QTMAN: variants seen among roughly 807,000 people sequenced by gnomAD.
QTMAN encodes the protein tRNA-queuosine alpha-mannosyltransferase.
chr2:144,059,396 G>A, the QTMAN span, among the ~76,000 whole-genome samples: 2 of 152,162 alleles, frequency 1.3e-5, no homozygotes, highest in African/African-American at 2.4e-5. Flanking sequence ...TTAAGGATAG[G>A]AAAAGGATAG....
chr2:144,210,755 G>C, the QTMAN span: 1 of 152,052 alleles, frequency 6.6e-6, no homozygotes, highest in South Asian at 2.1e-4. Context: ...ACAATAAAAG[G>C]CAATTTTGAA....
At chr2:144,197,321 A>G in the QTMAN span, among the ~76,000 whole-genome samples, 426 of 142,396 alleles carry the variant, frequency 3.0e-3, 2 homozygotes, top group African/African-American at 7.6e-3. Context: ...GTGTGTGTGT[A>G]TATATATATA....
At chr2:144,273,677 C>T in the QTMAN span, among the ~76,000 whole-genome samples, 2 of 152,048 alleles carry the variant, frequency 1.3e-5, no homozygotes, top group African/African-American at 4.8e-5. Context: ...AAACATATGA[C>T]AAGGACATAA....
chr2:143,991,415 C>T, the QTMAN span, among the ~76,000 whole-genome samples: 3 of 151,176 alleles, frequency 2.0e-5, no homozygotes, highest in African/African-American at 7.3e-5. Flanking sequence ...GGCCAGCTGC[C>T]CCGTCCGGGA....
the QTMAN span, among the ~76,000 whole-genome samples, chr2:144,155,562 T>G: frequency 1.3e-5 from 2 of 152,184 alleles, no homozygotes; most frequent in African/African-American, 4.8e-5. Context: ...CATGAGTCTC[T>G]GGAGTTCCCT....
the QTMAN span, among the ~76,000 whole-genome samples, chr2:144,102,756 T>C: frequency 6.6e-6 from 1 of 152,254 alleles, no homozygotes; most frequent in Non-Finnish European, 1.5e-5. Context: ...AGAGCTATAT[T>C]CATCTTGTAC....
the QTMAN span, among the ~76,000 whole-genome samples, chr2:143,961,039 A>G: frequency 6.6e-6 from 1 of 152,282 alleles, no homozygotes; most frequent in Non-Finnish European, 1.5e-5. Flanking sequence ...GAAAGAGGTG[A>G]CATGGCTAAT....
At chr2:143,991,626 G>C in the QTMAN span, among the ~76,000 whole-genome samples, 3 of 127,098 alleles carry the variant, frequency 2.4e-5, no homozygotes, top group South Asian at 7.9e-4. Context: ...CTGCCCGGCC[G>C]CCCCTACTGG....
chr2:144,185,024 C>T, the QTMAN span, among the ~76,000 whole-genome samples: 3 of 151,432 alleles, frequency 2.0e-5, no homozygotes, highest in African/African-American at 7.2e-5. Context: ...TTCCTGACCA[C>T]TTCTTAATTT....
chr2:144,258,113 A>G, the QTMAN span, among the ~76,000 whole-genome samples: 4 of 152,158 alleles, frequency 2.6e-5, no homozygotes, highest in South Asian at 2.1e-4. Context: ...CAGTCAGAAA[A>G]AGAAGGGACA....
At chr2:143,965,299 T>A in the QTMAN span, among the ~76,000 whole-genome samples, 1 of 152,162 alleles carries the variant, frequency 6.6e-6, no homozygotes, top group Admixed American at 6.5e-5. Flanking sequence ...TATTAAAAAC[T>A]CATTCCATGT....
At chr2:144,241,861 G>T in the QTMAN span, among the ~76,000 whole-genome samples, 1 of 151,890 alleles carries the variant, frequency 6.6e-6, no homozygotes, top group Non-Finnish European at 1.5e-5. Context: ...AAAAAAAAAT[G>T]AAAAGAAAGA....
At chr2:143,988,904 TA>T in the QTMAN span, among the ~76,000 whole-genome samples, 3 of 152,226 alleles carry the variant, frequency 2.0e-5, no homozygotes, top group African/African-American at 4.8e-5. Flanking sequence ...TATGCTAAAT[TA>T]AAAATATTAA....
At chr2:144,062,290 C>T in the QTMAN span, among the ~76,000 whole-genome samples, 2 of 152,230 alleles carry the variant, frequency 1.3e-5, no homozygotes, top group East Asian at 1.9e-4. Flanking sequence ...ACACAGTGGC[C>T]GAGTAAACAA....
At chr2:144,157,816 T>C in the QTMAN span, among the ~76,000 whole-genome samples, 1 of 151,904 alleles carries the variant, frequency 6.6e-6, no homozygotes, top group Non-Finnish European at 1.5e-5. Flanking sequence ...ATATATATGA[T>C]ATCTATATGG....
At chr2:143,962,354 G>C in the QTMAN span, among the ~76,000 whole-genome samples, 1 of 152,036 alleles carries the variant, frequency 6.6e-6, no homozygotes, top group Non-Finnish European at 1.5e-5. Flanking sequence ...AGACATAGAG[G>C]TGGGTAAGGG....
the QTMAN span, among the ~76,000 whole-genome samples, chr2:144,329,874 A>G: frequency 2.0e-5 from 3 of 152,332 alleles, no homozygotes; most frequent in East Asian, 3.9e-4. Flanking sequence ...TAAGCATTTA[A>G]AGAGTACCCA....
At chr2:144,071,194 G>GT in the QTMAN span, among the ~76,000 whole-genome samples, 1,519 of 137,894 alleles carry the variant, frequency 0.011, 7 homozygotes, top group Middle Eastern at 0.06. Context: ...TACTGCCACT[G>GT]TTTTTTTTTT....
the QTMAN span, among the ~76,000 whole-genome samples, chr2:144,231,532 T>C: frequency 6.6e-6 from 1 of 152,180 alleles, no homozygotes; most frequent in Non-Finnish European, 1.5e-5. Context: ...CTATGTGTTC[T>C]GAATTAAAAC....
Sources: gnomAD v4.1 joint callset for allele counts (sites outside exome capture counted in the v4.1 genomes callset) on GRCh38, gnomAD v4.1.1 for gene constraint, MANE v1.5 for transcripts, NCBI Gene and HGNC (gene_info 2026-07-23, HGNC 2026-07-21) for gene names.